The following TMEM132C variants were observed in gnomAD, a reference collection of about 807,000 sequenced individuals.
TMEM132C encodes the protein protein phosphatase 1, regulatory subunit 152.
A neutral mutation model predicts 61.4 loss-of-function variants in TMEM132C; 29 were observed. The ratio of observed to expected loss-of-function variants is 0.47; its 90% CI spans 0.35 to 0.64. The LOEUF (loss-of-function observed/expected upper bound fraction) is 0.64. Ranked by LOEUF, TMEM132C falls within the 30% of genes least tolerant of loss-of-function variation. TMEM132C has a pLI of 0.00. For synonymous variants in TMEM132C, 656 were observed against 633.1 expected, an observed-to-expected ratio of 1.04 and a Z score of -0.54; for missense variants, 1,408 against 1,476.9, an observed-to-expected ratio of 0.95 and a Z score of 0.76.
rs1395216353 is a variant in TMEM132C at position 128,444,606 on chromosome 12, A to G, written c.974+28986A>G. 1.1e-4 allele frequency among the ~76,000 whole-genome samples: 17 copies of G among 152,302 alleles called. No homozygotes were observed. In the East Asian group the frequency reaches 3.1e-3, roughly 28 times the overall value. ...GATGTGTGTAGCAAATGTGGGCAGA[A>G]CCTTAAACTCTGGTTTTCAAGTCGG... On this transcript the variant is annotated intron_variant, in intron 2 of 8. Coordinates refer to ENST00000435159, the MANE Select transcript of TMEM132C (RefSeq NM_001136103.3).
intron 2 of TMEM132C, among the ~76,000 whole-genome samples, chr12:128,431,550 C>CATT (rs1373586956): frequency 1.0e-5 from 1 of 98,906 alleles, no homozygotes; most frequent in African/African-American, 4.2e-5. Flanking sequence ...CCATCTAGGA[C>CATT]TTTTTTTTTT....
intron 8 of TMEM132C, among the ~76,000 whole-genome samples, chr12:128,701,853 T>A (rs1033379875): frequency 6.6e-6 from 1 of 152,012 alleles, no homozygotes; most frequent in African/African-American, 2.4e-5. Flanking sequence ...AAATTCTACG[T>A]GGCTCTTTGC....
chr12:128,542,785 C>G (rs1873803848), intron 2 of TMEM132C, among the ~76,000 whole-genome samples: 1 of 148,068 alleles, frequency 6.8e-6, no homozygotes, highest in Non-Finnish European at 1.5e-5. Context: ...TGCTTGAACC[C>G]AGGAGGCGGA....
At chr12:128,528,347 C>T (rs541992804) in intron 2 of TMEM132C, among the ~76,000 whole-genome samples, 1 of 152,330 alleles carries the variant, frequency 6.6e-6, no homozygotes, top group Admixed American at 6.5e-5. Flanking sequence ...AAATTAGCAT[C>T]GTGCCAGTCT....
At chr12:128,517,050 G>C (rs545802232) in intron 2 of TMEM132C, among the ~76,000 whole-genome samples, 3 of 147,056 alleles carry the variant, frequency 2.0e-5, no homozygotes, top group African/African-American at 7.6e-5. Flanking sequence ...AGTGACACCT[G>C]TCTCTGCTAA....
intron 2 of TMEM132C, among the ~76,000 whole-genome samples, chr12:128,486,876 AACACACACACACACAC>A (rs56407388): frequency 8.5e-4 from 112 of 131,216 alleles, no homozygotes; most frequent in East Asian, 3.4e-3. Flanking sequence ...TGTGCATGCA[AACACACACACACACAC>A]ACACACACAC....
At chr12:128,580,786 G>C (rs1236206478) in intron 3 of TMEM132C, among the ~76,000 whole-genome samples, 1 of 152,138 alleles carries the variant, frequency 6.6e-6, no homozygotes, top group Non-Finnish European at 1.5e-5. Context: ...TACCCTCAGT[G>C]ATATGACTTA....
chr12:128,432,746 T>C (rs1021845215), intron 2 of TMEM132C, among the ~76,000 whole-genome samples: 3 of 152,214 alleles, frequency 2.0e-5, no homozygotes, highest in African/African-American at 7.2e-5. Context: ...TAATAGTACA[T>C]AAACTTAGTT....
At chr12:128,470,165 C>A (rs2086750473) in intron 2 of TMEM132C, among the ~76,000 whole-genome samples, 1 of 152,148 alleles carries the variant, frequency 6.6e-6, no homozygotes, top group Non-Finnish European at 1.5e-5. Flanking sequence ...GATGGCAGGA[C>A]CTGGTGGCCC....
At chr12:128,390,799 G>A (rs73159823) in intron 1 of TMEM132C, among the ~76,000 whole-genome samples, 3,233 of 152,274 alleles carry the variant, frequency 0.021, 44 homozygotes, top group Middle Eastern at 0.044. Flanking sequence ...CCAAGAAAAG[G>A]CTGTGGCGCT....
chr12:128,377,634 A>G (rs1874237204), intron 1 of TMEM132C, among the ~76,000 whole-genome samples: 3 of 152,234 alleles, frequency 2.0e-5, no homozygotes, highest in Admixed American at 2.0e-4. Context: ...AGATGAATTC[A>G]TATATGTGTA....
intron 2 of TMEM132C, among the ~76,000 whole-genome samples, chr12:128,530,448 CTTTT>C (rs398056093): frequency 6.9e-6 from 1 of 144,606 alleles, no homozygotes; most frequent in East Asian, 2.0e-4. Flanking sequence ...ACTTCTTTTT[CTTTT>C]TTTTTTTTTT....
chr12:128,588,930 G>A (rs1875649059), intron 3 of TMEM132C, among the ~76,000 whole-genome samples: 1 of 152,170 alleles, frequency 6.6e-6, no homozygotes, highest in Admixed American at 6.5e-5. Context: ...GACTGTGTTT[G>A]CAAACTCATG....
At position 128,630,786 on chromosome 12, in the gene TMEM132C, G is replaced by A. The variant is rs1954059297; in HGVS notation, c.1305+14451G>A. ...ACGGTGGCTCACGCCTGTAATCCCAGCACTTTGGGAGGCCGAGGCAGGCAG... is the reference window on the plus strand; with the variant it reads ...ACGGTGGCTCACGCCTGTAATCCCAACACTTTGGGAGGCCGAGGCAGGCAG... On this transcript the variant is annotated intron_variant, in intron 4 of 8. Transcript: ENST00000435159. The surrounding 1 kb of genome is among the most constrained non-coding windows in gnomAD (Gnocchi z 4.3). Among the ~76,000 whole-genome samples the A allele has an allele frequency of 6.6e-6, 1 of 152,198 alleles. No homozygotes were observed. The highest frequency in any genetic ancestry group is 6.5e-5 in the Admixed American group (1 of 15,284).
At chr12:128,416,241 A>G (rs1868778654) in intron 2 of TMEM132C, among the ~76,000 whole-genome samples, 1 of 152,278 alleles carries the variant, frequency 6.6e-6, no homozygotes, top group South Asian at 2.1e-4. Flanking sequence ...TACTGTCACC[A>G]TGGCGGGTTC....
At chr12:128,505,827 C>G (rs1286198641) in intron 2 of TMEM132C, among the ~76,000 whole-genome samples, 1 of 152,112 alleles carries the variant, frequency 6.6e-6, no homozygotes, top group African/African-American at 2.4e-5. Flanking sequence ...CAGGGCTTGG[C>G]CTCCCTCCTG....
intron 2 of TMEM132C, among the ~76,000 whole-genome samples, chr12:128,428,811 T>G (rs1264608688): frequency 2.0e-5 from 3 of 152,158 alleles, no homozygotes; most frequent in African/African-American, 7.2e-5. Context: ...TCCCCAGCCT[T>G]TCTGTGCTTC....
intron 8 of TMEM132C, among the ~76,000 whole-genome samples, chr12:128,699,825 T>C (rs1197969309): frequency 1.3e-5 from 2 of 152,208 alleles, no homozygotes; most frequent in African/African-American, 4.8e-5. Flanking sequence ...AGAGAGTTGC[T>C]ACCTGATTTT....
chr12:128,303,853 G>T (rs998666490), intron 1 of TMEM132C, among the ~76,000 whole-genome samples: 1 of 152,112 alleles, frequency 6.6e-6, no homozygotes, highest in Non-Finnish European at 1.5e-5. Flanking sequence ...GGAGGTTTCT[G>T]CACACTTCTG....
Sources: allele counts gnomAD v4.1 joint callset (sites outside exome capture counted in the v4.1 genomes callset), GRCh38; gene constraint gnomAD v4.1.1; non-coding constraint Gnocchi (gnomAD v3.1); transcripts MANE v1.5; gene names NCBI Gene and HGNC (gene_info 2026-07-23, HGNC 2026-07-21).